GALNT10: variants seen among roughly 807,000 people sequenced by gnomAD.
GALNT10 encodes GalNAc transferase 10.
In GALNT10, 41 loss-of-function variants were observed where a neutral mutation model predicts 75.0. That is an observed-to-expected ratio of 0.55 (90% CI 0.43 to 0.71). The LOEUF (loss-of-function observed/expected upper bound fraction) is 0.71. Among genes scored for constraint, GALNT10 ranks in the 30% least tolerant of loss-of-function variants. The pLI is 0.00. For synonymous variants in GALNT10, 302 were observed against 313.0 expected, an observed-to-expected ratio of 0.96 and a Z score of 0.37; for missense variants, 727 against 818.5, an observed-to-expected ratio of 0.89 and a Z score of 1.36.
intron 4 of GALNT10, chr5:154,347,268 G>T: frequency 2.2e-6 from 1 of 464,446 alleles, no homozygotes. Context: ...GCGCATGGCA[G>T]AGTCAGAATC....
At chr5:154,345,473 A>G (rs1404866488) in intron 4 of GALNT10, among the ~76,000 whole-genome samples, 1 of 152,074 alleles carries the variant, frequency 6.6e-6, no homozygotes, top group Admixed American at 6.6e-5. Flanking sequence ...GAGCCCCTGG[A>G]AATCACCATT....
chr5:154,299,205 C>A (rs576672168), intron 3 of GALNT10, among the ~76,000 whole-genome samples: 26 of 152,200 alleles, frequency 1.7e-4, no homozygotes, highest in African/African-American at 5.8e-4. Flanking sequence ...GGTAGACCTG[C>A]AGATTCTTGG....
chr5:154,326,600 A>G (rs1387365650), intron 3 of GALNT10, among the ~76,000 whole-genome samples: 1 of 152,262 alleles, frequency 6.6e-6, no homozygotes, highest in Non-Finnish European at 1.5e-5. Context: ...ATGCTACAAC[A>G]TAGATGAACT....
At chr5:154,406,853 T>C (rs1582017093) in intron 8 of GALNT10, among the ~76,000 whole-genome samples, 1 of 152,210 alleles carries the variant, frequency 6.6e-6, no homozygotes, top group East Asian at 1.9e-4. Flanking sequence ...TTCTAGAGCA[T>C]TGTCCCCTAG....
intron 1 of GALNT10, among the ~76,000 whole-genome samples, chr5:154,203,304 A>C (rs1775056095): frequency 6.6e-6 from 1 of 152,122 alleles, no homozygotes; most frequent in South Asian, 2.1e-4. Flanking sequence ...TCTCTTAGCA[A>C]ATATGATGAG....
At chr5:154,225,388 C>T (rs1388978420) in intron 1 of GALNT10, among the ~76,000 whole-genome samples, 1 of 150,292 alleles carries the variant, frequency 6.7e-6, no homozygotes, top group Non-Finnish European at 1.5e-5. Context: ...CCACTGCGCC[C>T]GGCCTTTTTT....
intron 4 of GALNT10, among the ~76,000 whole-genome samples, chr5:154,375,550 T>C (rs2113172196): frequency 6.6e-6 from 1 of 152,338 alleles, no homozygotes; most frequent in East Asian, 1.9e-4. Flanking sequence ...GTCTGTCTGC[T>C]TCAGGCACGT....
chr5:154,355,130 G>A (rs1037728741), intron 4 of GALNT10, among the ~76,000 whole-genome samples: 2 of 152,168 alleles, frequency 1.3e-5, no homozygotes, highest in Admixed American at 1.3e-4. Flanking sequence ...GACAGATGAG[G>A]GGTGGATGCT....
intron 4 of GALNT10, among the ~76,000 whole-genome samples, chr5:154,351,931 T>G (rs533617349): frequency 5.7e-4 from 87 of 152,348 alleles, no homozygotes; most frequent in Admixed American, 4.4e-3. Context: ...ACACTTACTG[T>G]GTGCCAGGTA....
chr5:154,371,255 A>G (rs1336254360), intron 4 of GALNT10, among the ~76,000 whole-genome samples: 2 of 152,108 alleles, frequency 1.3e-5, no homozygotes, highest in Non-Finnish European at 2.9e-5. Flanking sequence ...TATACCAGCC[A>G]TTGGATGAGT....
rs907987377 is a variant in GALNT10, at chr5:154,409,343, C to A, written c.1165-198C>A. The A allele has an allele frequency of 4.8e-6, 3 of 622,018 alleles. No homozygotes were observed. In the African/African-American group the frequency reaches 5.5e-5, roughly 11 times the overall value. 38.5% of individuals were successfully genotyped at this position (622,018 alleles called of 1,614,324 possible). A position where few individuals can be genotyped will look rare whatever the true frequency, so the allele number is the denominator to read the frequency against. ...AAAACAACAGCAGCCTATGGGCCAA[C>A]TATAAGCTGTGAAGCCCTTAAAACA... On this transcript the variant is annotated intron_variant, in intron 8 of 11. Coordinates refer to ENST00000297107, the MANE Select transcript of GALNT10 (RefSeq NM_198321.4). The surrounding 1 kb of genome is among the most constrained non-coding windows in gnomAD (Gnocchi z 4.5).
intron 7 of GALNT10, among the ~76,000 whole-genome samples, chr5:154,395,397 T>C (rs1184055635): frequency 6.6e-6 from 1 of 152,226 alleles, no homozygotes; most frequent in Non-Finnish European, 1.5e-5. Context: ...CCTCTTTATA[T>C]TATTTAGGGG....
At chr5:154,258,986 A>G (rs1229415581) in intron 1 of GALNT10, among the ~76,000 whole-genome samples, 1 of 152,192 alleles carries the variant, frequency 6.6e-6, no homozygotes, top group East Asian at 1.9e-4. Flanking sequence ...CCCTTTACCC[A>G]GCTTCCCCTA....
chr5:154,411,758 C>A (rs1189642427), intron 9 of GALNT10, among the ~76,000 whole-genome samples: 5 of 152,328 alleles, frequency 3.3e-5, no homozygotes, highest in African/African-American at 9.6e-5. Context: ...TGTGTTAGTT[C>A]AAGTCCTCCA....
chr5:154,347,338 T>G, intron 4 of GALNT10: 1 of 416,364 alleles, frequency 2.4e-6, no homozygotes, highest in Non-Finnish European at 4.5e-6. Context: ...TCCTGTTACC[T>G]CCTATGTGGT....
intron 2 of GALNT10, among the ~76,000 whole-genome samples, chr5:154,296,252 A>C (rs753425364): frequency 2.6e-5 from 4 of 152,042 alleles, no homozygotes; most frequent in Non-Finnish European, 4.4e-5. Flanking sequence ...ACACCAGGCT[A>C]ATTTTTGTAA....
intron 7 of GALNT10, among the ~76,000 whole-genome samples, chr5:154,403,343 A>G (rs1413520903): frequency 6.6e-6 from 1 of 152,140 alleles, no homozygotes; most frequent in Admixed American, 6.5e-5. Context: ...TCACATTCCC[A>G]AGTTGCTATC....
intron 1 of GALNT10, among the ~76,000 whole-genome samples, chr5:154,235,896 G>A (rs980892273): frequency 6.6e-6 from 1 of 152,190 alleles, no homozygotes; most frequent in Non-Finnish European, 1.5e-5. Flanking sequence ...AAAGACTTAG[G>A]AGGAAGCAAA....
rs1753968817 is a variant in GALNT10, at chr5:154,277,424, G to A, written c.160-17392G>A. 2.0e-5 allele frequency among the ~76,000 whole-genome samples: 3 copies of A among 151,942 alleles called. No individual in the cohort carries two copies. The South Asian group carries it at 6.2e-4, about 32-fold the overall frequency. ...TACCTCATTCTTTTGGCCAAGGCAA[G>A]TCACAGAGCCAGACCAACTTCAATA... On this transcript the variant is annotated intron_variant, in intron 1 of 11. Coordinates refer to ENST00000297107, the MANE Select transcript of GALNT10 (RefSeq NM_198321.4).
Sources: gnomAD v4.1 joint callset for allele counts (sites outside exome capture counted in the v4.1 genomes callset) on GRCh38, gnomAD v4.1.1 for gene constraint, Gnocchi (gnomAD v3.1) non-coding constraint, MANE v1.5 for transcripts, NCBI Gene and HGNC (gene_info 2026-07-23, HGNC 2026-07-21) for gene names.